TMEM232: variants seen among roughly 807,000 people sequenced by gnomAD.
The protein encoded by TMEM232 is transmembrane protein 232.
A neutral mutation model predicts 78.8 loss-of-function variants in TMEM232; 80 were observed. The ratio of observed to expected loss-of-function variants is 1.01; its 90% CI spans 0.85 to 1.22. The LOEUF (loss-of-function observed/expected upper bound fraction) is 1.22, where lower values mean the gene tolerates loss of function less well. Ranked by LOEUF, TMEM232 falls within the 50% of genes most tolerant of loss-of-function variation. The probability of loss-of-function intolerance (pLI) is 0.00; values close to 1 mark genes in which losing one functional copy is unlikely to be tolerated. For missense variants in TMEM232, 881 were observed against 742.2 expected, an observed-to-expected ratio of 1.19 and a Z score of -2.17; for synonymous variants, 297 against 254.3, an observed-to-expected ratio of 1.17 and a Z score of -1.60.
At chr5:110,665,861 C>A (rs1790498077) in intron 2 of TMEM232, among the ~76,000 whole-genome samples, 1 of 147,310 alleles carries the variant, frequency 6.8e-6, no homozygotes, top group South Asian at 2.2e-4. Context: ...TCAAGACCAG[C>A]CTGGGCAACA....
chr5:110,493,218 G>T (rs1416488445), intron 12 of TMEM232, among the ~76,000 whole-genome samples: 3 of 151,554 alleles, frequency 2.0e-5, no homozygotes, highest in Non-Finnish European at 2.9e-5. Flanking sequence ...AAAACACCAT[G>T]TTCCTAGAGA....
At chr5:110,689,054 A>T (rs917871199) in intron 1 of TMEM232, among the ~76,000 whole-genome samples, 1 of 152,112 alleles carries the variant, frequency 6.6e-6, no homozygotes, top group Non-Finnish European at 1.5e-5. Context: ...TTCTCAATAT[A>T]CCACCCTTTC....
At chr5:110,437,619 T>C (rs192214697) in intron 12 of TMEM232, among the ~76,000 whole-genome samples, 75 of 152,184 alleles carry the variant, frequency 4.9e-4, no homozygotes, top group Non-Finnish European at 9.1e-4. Context: ...GCATATTATA[T>C]ACTTCATATA....
At chr5:110,731,559 C>A (rs987431815), upstream of TMEM232, among the ~76,000 whole-genome samples, 3 of 152,234 alleles carry the variant, frequency 2.0e-5, no homozygotes, top group South Asian at 6.2e-4. Flanking sequence ...CACCTGCAGG[C>A]TCAACACCAC....
At chr5:110,622,493 C>A (rs918235172) in intron 7 of TMEM232, among the ~76,000 whole-genome samples, 31 of 152,100 alleles carry the variant, frequency 2.0e-4, no homozygotes, top group African/African-American at 7.2e-4. Context: ...TTTCCAATTT[C>A]ATCCATGTCC....
intron 1 of TMEM232, among the ~76,000 whole-genome samples, chr5:110,696,379 T>C (rs1794783363): frequency 6.6e-6 from 1 of 152,200 alleles, no homozygotes; most frequent in African/African-American, 2.4e-5. Context: ...AGCATTCCCT[T>C]TGAAAACGGG....
rs1212373522 is a variant in TMEM232, at chr5:110,587,681, ATATATATATATGTGTGTGTGTGTGTGTG to A, written c.1276+17400_1276+17427del. Among the ~76,000 whole-genome samples the A allele has an allele frequency of 3.8e-4, 40 of 105,620 alleles. No individual in the cohort carries two copies. In the East Asian group the frequency reaches 4.1e-3, roughly 11 times the overall value. 69.3% of individuals were successfully genotyped at this position (105,620 alleles called of 152,430 possible). A position where few individuals can be genotyped will look rare whatever the true frequency, so the allele number is the denominator to read the frequency against. ...CATGTATGTATATATATATATATATATATATATATATGTGTGTGTGTGTGTGTGTGTGTGTGTGTGTGTGTGTGTGTGT... is the reference window on the plus strand; with the variant it reads ...CATGTATGTATATATATATATATATATGTGTGTGTGTGTGTGTGTGTGTGT... On this transcript the variant is annotated intron_variant, in intron 10 of 13. Transcript: ENST00000455884.
intron 12 of TMEM232, among the ~76,000 whole-genome samples, chr5:110,485,336 G>T (rs1764344861): frequency 6.6e-6 from 1 of 152,018 alleles, no homozygotes; most frequent in African/African-American, 2.4e-5. Flanking sequence ...TAAGTTATTG[G>T]TGTACAGGTG....
chr5:110,641,682 G>A (rs1239274662), intron 3 of TMEM232, among the ~76,000 whole-genome samples: 1 of 152,078 alleles, frequency 6.6e-6, no homozygotes, highest in Non-Finnish European at 1.5e-5. Flanking sequence ...CCAGTTTTGT[G>A]CAGCTTTTAT....
chr5:110,700,162 A>C (rs1795265340), intron 1 of TMEM232, among the ~76,000 whole-genome samples: 1 of 152,054 alleles, frequency 6.6e-6, no homozygotes, highest in Admixed American at 6.6e-5. Flanking sequence ...ATTTTCTAAG[A>C]TTGCTTGCTG....
intron 6 of TMEM232, among the ~76,000 whole-genome samples, chr5:110,625,943 C>T (rs991501372): frequency 1.4e-5 from 2 of 145,454 alleles, no homozygotes; most frequent in Admixed American, 1.4e-4. Context: ...TTATATTTAA[C>T]AGAATCATCT....
intron 11 of TMEM232, among the ~76,000 whole-genome samples, chr5:110,559,609 TAAAACTACAATG>T (rs1258316416): frequency 1.3e-5 from 2 of 152,098 alleles, no homozygotes; most frequent in Non-Finnish European, 2.9e-5. Flanking sequence ...GAATGCAAAT[TAAAACTACAATG>T]AAAGCTATTA....
At chr5:110,520,028 T>C (rs1172629284) in intron 12 of TMEM232, among the ~76,000 whole-genome samples, 1 of 145,540 alleles carries the variant, frequency 6.9e-6, no homozygotes, top group Non-Finnish European at 1.5e-5. Flanking sequence ...AATGGTTTTA[T>C]ATATTTATGT....
chr5:110,700,774 A>ATAGATAGGTAGG (rs1208650571), intron 1 of TMEM232, among the ~76,000 whole-genome samples: 2 of 124,090 alleles, frequency 1.6e-5, no homozygotes, highest in African/African-American at 3.1e-5. Flanking sequence ...AGGTAGGTAG[A>ATAGATAGGTAGG]TAGATAGATA....
chr5:110,471,207 AAAG>A (rs1469746968), intron 12 of TMEM232, among the ~76,000 whole-genome samples: 1 of 152,208 alleles, frequency 6.6e-6, no homozygotes, highest in Non-Finnish European at 1.5e-5. Flanking sequence ...AAGTCAGAAG[AAAG>A]AAAAACATAA....
chr5:110,471,122 C>CA (rs1480371835), intron 12 of TMEM232, among the ~76,000 whole-genome samples: 1 of 151,898 alleles, frequency 6.6e-6, no homozygotes, highest in East Asian at 1.9e-4. Context: ...TAGAGAGCTT[C>CA]AAAAAATACA....
chr5:110,437,301 A>T (rs539705637), intron 12 of TMEM232, among the ~76,000 whole-genome samples: 1 of 152,142 alleles, frequency 6.6e-6, no homozygotes, highest in East Asian at 1.9e-4. Flanking sequence ...CTCCACATGT[A>T]ATCTAAATCT....
At chr5:110,609,147 G>A (rs1044902543) in intron 8 of TMEM232, among the ~76,000 whole-genome samples, 1 of 152,072 alleles carries the variant, frequency 6.6e-6, no homozygotes, top group Admixed American at 6.6e-5. Context: ...GAATTAAAAT[G>A]TCTCTAAGTA....
At chr5:110,464,803 T>C (rs1162317842) in intron 12 of TMEM232, among the ~76,000 whole-genome samples, 1 of 152,190 alleles carries the variant, frequency 6.6e-6, no homozygotes, top group Non-Finnish European at 1.5e-5. Flanking sequence ...AAATCTATGA[T>C]CTAGCTATCA....
Sources: gnomAD v4.1 joint callset for allele counts (sites outside exome capture counted in the v4.1 genomes callset) on GRCh38, gnomAD v4.1.1 for gene constraint, MANE v1.5 for transcripts, NCBI Gene and HGNC (gene_info 2026-07-23, HGNC 2026-07-21) for gene names.